The following GRIA3 variants were observed in gnomAD, a reference collection of about 807,000 sequenced individuals.
The protein encoded by GRIA3 is glutamate ionotropic receptor AMPA type subunit 3.
Under a neutral mutation model 63.0 loss-of-function variants are expected in GRIA3, and 3 were observed. That is an observed-to-expected ratio of 0.05 (90% confidence interval 0.02 to 0.12). The LOEUF (loss-of-function observed/expected upper bound fraction) is 0.12, where lower values mean the gene tolerates loss of function less well. Among genes scored for constraint, GRIA3 ranks in the 10% least tolerant of loss-of-function variants. The probability of loss-of-function intolerance (pLI) is 1.00; values close to 1 mark genes in which losing one functional copy is unlikely to be tolerated. For missense variants in GRIA3, 347 were observed against 700.9 expected, an observed-to-expected ratio of 0.50 and a Z score of 5.70; for synonymous variants, 274 against 257.9, an observed-to-expected ratio of 1.06 and a Z score of -0.60.
At chrX:123,472,167 T>C (rs1172970599) in intron 13 of GRIA3, among the ~76,000 whole-genome samples, 1 of 104,560 alleles carries the variant, frequency 9.6e-6, no homozygotes, top group Non-Finnish European at 2.0e-5. Context: ...ACTTCACTTG[T>C]TGCAATCTAG....
chrX:123,470,163 G>C (rs1045515938), intron 13 of GRIA3, among the ~76,000 whole-genome samples: 1 of 111,733 alleles, frequency 8.9e-6, no homozygotes, highest in East Asian at 2.8e-4. Flanking sequence ...TGACTGCAAT[G>C]ATAATTGTAG....
intron 3 of GRIA3, among the ~76,000 whole-genome samples, chrX:123,259,374 T>C (rs1029896706): frequency 1.8e-5 from 2 of 110,948 alleles, no homozygotes; most frequent in African/African-American, 6.6e-5. Context: ...CAGTTCTACT[T>C]TCCCAAATAA....
At chrX:123,197,490 A>C (rs1054763728) in intron 2 of GRIA3, among the ~76,000 whole-genome samples, 1 of 111,754 alleles carries the variant, frequency 8.9e-6, no homozygotes, top group Non-Finnish European at 1.9e-5. Flanking sequence ...GTGTCACTGC[A>C]CTCCAGACTG....
intron 2 of GRIA3, among the ~76,000 whole-genome samples, chrX:123,227,128 G>C (rs1468715286): frequency 2.7e-5 from 3 of 111,093 alleles, no homozygotes; most frequent in Non-Finnish European, 3.8e-5. Flanking sequence ...CACTTATCTA[G>C]GCTAAATGAT....
chrX:123,288,257 A>T (rs2044633522), intron 3 of GRIA3, among the ~76,000 whole-genome samples: 1 of 112,200 alleles, frequency 8.9e-6, no homozygotes, highest in Admixed American at 9.4e-5. Flanking sequence ...CCTTATAAAA[A>T]AATTAACTCA....
intron 12 of GRIA3, among the ~76,000 whole-genome samples, chrX:123,462,265 C>A (rs1370175977): frequency 1.8e-5 from 2 of 111,548 alleles, no homozygotes; most frequent in Non-Finnish European, 3.8e-5. Flanking sequence ...GATCTTATCA[C>A]ACCCCTCCTC....
At chrX:123,410,130 T>C (rs1378672180) in intron 10 of GRIA3, among the ~76,000 whole-genome samples, 1 of 111,923 alleles carries the variant, frequency 8.9e-6, no homozygotes, top group Non-Finnish European at 1.9e-5. Flanking sequence ...TCCACATTTC[T>C]AGTTATCACT....
At chrX:123,281,944 T>C (rs1374917973) in intron 3 of GRIA3, among the ~76,000 whole-genome samples, 5 of 111,240 alleles carry the variant, frequency 4.5e-5, no homozygotes, top group Admixed American at 9.5e-5. Context: ...CTTGGAGAGT[T>C]TATAAGGTAG....
intron 13 of GRIA3, among the ~76,000 whole-genome samples, chrX:123,468,261 T>C (rs780208135): frequency 5.5e-5 from 6 of 109,928 alleles, no homozygotes; most frequent in Middle Eastern, 4.7e-3. Context: ...AACGTGAATC[T>C]GGTTACCACT....
At chrX:123,334,654 A>AT (rs1265285366) in intron 4 of GRIA3, among the ~76,000 whole-genome samples, 1 of 111,548 alleles carries the variant, frequency 9.0e-6, no homozygotes, top group East Asian at 2.8e-4. Flanking sequence ...ATAAACACAA[A>AT]TTCAAATTAA....
Position 123,394,957 on chromosome X carries a change from T to C in GRIA3, c.751-11T>C, listed in dbSNP as rs769302926. On this transcript the variant is annotated splice_polypyrimidine_tract_variant and intron_variant, in intron 5 of 15. Transcript: ENST00000620443. ...CTTCCCACAATCATGATCCTTTCAA[T>C]GTCTTTCCAGGGTTTTACTGATATT... 7 of 1,157,507 alleles carry C rather than the reference T, an allele frequency of 6.0e-6. No homozygotes were observed. In the South Asian group the frequency reaches 1.1e-4, roughly 18 times the overall value.
intron 14 of GRIA3, among the ~76,000 whole-genome samples, chrX:123,482,533 T>G (rs2045916966): frequency 8.9e-6 from 1 of 111,932 alleles, no homozygotes; most frequent in African/African-American, 3.3e-5. Context: ...TATTAATTGT[T>G]GAACACCATT....
rs780732296 is a variant in GRIA3, at chrX:123,453,618, A to AACACACAC, written c.2077-11223_2077-11216dup. On this transcript the variant is annotated intron_variant, in intron 12 of 15. Coordinates refer to ENST00000620443, the MANE Select transcript of GRIA3 (RefSeq NM_007325.5). ...AGGTACATAGCAAAGTCAGGTTTTCAACACACACACACACACACACACACA... is the reference window on the plus strand; with the variant it reads ...AGGTACATAGCAAAGTCAGGTTTTCAACACACACACACACACACACACACACACACACA... 3.3e-3 allele frequency among the ~76,000 whole-genome samples: 346 copies of AACACACAC among 103,377 alleles called. 1 individual carries two copies. Among genetic ancestry groups the AACACACAC allele is most frequent in the African/African-American group, 0.011 (321 of 28,412 alleles). 89.8% of individuals were successfully genotyped at this position (103,377 alleles called of 115,157 possible). A position where few individuals can be genotyped will look rare whatever the true frequency, so the allele number is the denominator to read the frequency against.
intron 2 of GRIA3, among the ~76,000 whole-genome samples, chrX:123,222,043 C>T (rs1278230976): frequency 9.0e-6 from 1 of 111,411 alleles, no homozygotes; most frequent in Non-Finnish European, 1.9e-5. Flanking sequence ...CTAAATATCA[C>T]CATTTCATTG....
At chrX:123,353,960 C>A (rs2045115741) in intron 4 of GRIA3, among the ~76,000 whole-genome samples, 1 of 111,750 alleles carries the variant, frequency 8.9e-6, no homozygotes, top group African/African-American at 3.2e-5. Flanking sequence ...TAACTTCTAA[C>A]CAATACATTT....
intron 7 of GRIA3, among the ~76,000 whole-genome samples, chrX:123,400,053 A>G (rs2147381944): frequency 9.0e-6 from 1 of 111,522 alleles, no homozygotes; most frequent in African/African-American, 3.2e-5. Flanking sequence ...GATGAGTGAA[A>G]TATAAAACTC....
chrX:123,198,321 G>C (rs997047357), intron 2 of GRIA3, among the ~76,000 whole-genome samples: 1 of 112,180 alleles, frequency 8.9e-6, no homozygotes, highest in Non-Finnish European at 1.9e-5. Flanking sequence ...GTGAGCCTCA[G>C]TTCCATCATC....
At chrX:123,341,406 A>G (rs1024796272) in intron 4 of GRIA3, among the ~76,000 whole-genome samples, 4 of 111,608 alleles carry the variant, frequency 3.6e-5, no homozygotes, top group African/African-American at 1.3e-4. Flanking sequence ...GATACGGACA[A>G]TTAGAATGTA....
intron 3 of GRIA3, among the ~76,000 whole-genome samples, chrX:123,254,857 T>C (rs1232462417): frequency 8.9e-6 from 1 of 111,892 alleles, no homozygotes; most frequent in African/African-American, 3.3e-5. Flanking sequence ...CTAAGGTGTG[T>C]TCCTTCTTAA....
Sources: gnomAD v4.1 joint callset for allele counts (sites outside exome capture counted in the v4.1 genomes callset) on GRCh38, gnomAD v4.1.1 for gene constraint, MANE v1.5 for transcripts, NCBI Gene and HGNC (gene_info 2026-07-23, HGNC 2026-07-21) for gene names.